Variants in RANBP2 observed in about 807,000 individuals in gnomAD.
RANBP2 encodes the protein RAN binding protein 2, also known as E3 SUMO-protein ligase RanBP2.
Under a neutral mutation model 303.6 loss-of-function variants are expected in RANBP2, and 57 were observed. That is an observed-to-expected ratio of 0.19 (90% CI 0.15 to 0.23). The LOEUF (loss-of-function observed/expected upper bound fraction) is 0.23. Ranked by LOEUF, RANBP2 falls within the 10% of genes least tolerant of loss-of-function variation. RANBP2 has a pLI of 1.00. For missense variants in RANBP2, 3,138 were observed against 3,780.8 expected (o/e 0.83, Z 4.46); for synonymous variants, 1,167 against 1,301.5 (o/e 0.90, Z 2.23).
chr2:109,423,055 A>G, the RANBP2 span, among the ~76,000 whole-genome samples: 2 of 152,172 alleles, frequency 1.3e-5, no homozygotes, highest in Non-Finnish European at 2.9e-5. Context: ...GCCATCAGAG[A>G]AGGAAACTTC....
intron 1 of RANBP2, among the ~76,000 whole-genome samples, chr2:108,724,615 G>C (rs1694542153): frequency 1.3e-5 from 2 of 151,926 alleles, no homozygotes; most frequent in South Asian, 4.2e-4. Context: ...AGCATTTCTT[G>C]TATTATTTCT....
chr2:108,938,087 C>A, the RANBP2 span, among the ~76,000 whole-genome samples: 1 of 152,222 alleles, frequency 6.6e-6, no homozygotes, highest in African/African-American at 2.4e-5. Flanking sequence ...ATGTCCAATT[C>A]TTCAGAACTC....
the RANBP2 span, among the ~76,000 whole-genome samples, chr2:109,093,406 T>TAA: frequency 0.23 from 20,565 of 90,324 alleles, 1,898 homozygotes; most frequent in Middle Eastern, 0.36. Context: ...CGGAGATTTG[T>TAA]AAAAAAAAAA....
At chr2:108,828,852 C>T in the RANBP2 span, among the ~76,000 whole-genome samples, 7 of 152,038 alleles carry the variant, frequency 4.6e-5, no homozygotes, top group Admixed American at 3.9e-4. Flanking sequence ...GTGGCAGGCA[C>T]CTGTAATCCC....
the RANBP2 span, chr2:109,615,131 G>A: frequency 6.5e-7 from 1 of 1,549,696 alleles, no homozygotes; most frequent in South Asian, 1.2e-5. Flanking sequence ...GCAGCTCCCC[G>A]CAGCTGAAGA....
the RANBP2 span, among the ~76,000 whole-genome samples, chr2:108,950,084 A>C: frequency 6.6e-6 from 1 of 152,172 alleles, no homozygotes; most frequent in African/African-American, 2.4e-5. Flanking sequence ...TGACCCCAGG[A>C]GGGGCCTGCT....
the RANBP2 span, among the ~76,000 whole-genome samples, chr2:109,653,222 C>A: frequency 6.6e-6 from 1 of 151,936 alleles, no homozygotes; most frequent in Non-Finnish European, 1.5e-5. Context: ...CAGTGAAACC[C>A]CGTCTCTACT....
chr2:109,537,297 T>C, the RANBP2 span, among the ~76,000 whole-genome samples: 1 of 152,202 alleles, frequency 6.6e-6, no homozygotes, highest in Non-Finnish European at 1.5e-5. Context: ...ATTTTCTGTA[T>C]CTATGGGGAT....
chr2:109,143,832 A>ACG, the RANBP2 span, among the ~76,000 whole-genome samples: 3 of 151,826 alleles, frequency 2.0e-5, no homozygotes, highest in Non-Finnish European at 2.9e-5. Flanking sequence ...ACACACACAC[A>ACG]CGTATATACA....
chr2:109,688,818 A>C, the RANBP2 span, among the ~76,000 whole-genome samples: 1 of 150,336 alleles, frequency 6.7e-6, no homozygotes, highest in East Asian at 2.0e-4. Flanking sequence ...GAATCAATGT[A>C]AAATTGTTTC....
the RANBP2 span, among the ~76,000 whole-genome samples, chr2:109,739,830 T>A: frequency 6.6e-6 from 1 of 151,278 alleles, no homozygotes; most frequent in South Asian, 2.1e-4. Context: ...AGTTTTTCCT[T>A]ATACAGTACA....
At chr2:109,533,705 T>G in the RANBP2 span, among the ~76,000 whole-genome samples, 1 of 152,226 alleles carries the variant, frequency 6.6e-6, no homozygotes, top group African/African-American at 2.4e-5. Context: ...TGAACCCACT[T>G]AACCCATGTC....
At chr2:109,361,386 A>G in the RANBP2 span, among the ~76,000 whole-genome samples, 4 of 152,222 alleles carry the variant, frequency 2.6e-5, no homozygotes, top group African/African-American at 9.6e-5. Flanking sequence ...GAGAATTGGT[A>G]TAATTTCTTC....
the RANBP2 span, among the ~76,000 whole-genome samples, chr2:108,943,860 T>C: frequency 3.9e-5 from 6 of 152,192 alleles, no homozygotes; most frequent in African/African-American, 1.4e-4. Context: ...GAGACTAGAA[T>C]TCCTCTGAGC....
the RANBP2 span, among the ~76,000 whole-genome samples, chr2:109,335,654 C>G: frequency 6.6e-6 from 1 of 152,116 alleles, no homozygotes; most frequent in Admixed American, 6.5e-5. Flanking sequence ...TGTTGCTGTC[C>G]CCCTGGCTGG....
At chr2:109,711,455 C>G in the RANBP2 span, among the ~76,000 whole-genome samples, 2 of 152,166 alleles carry the variant, frequency 1.3e-5, no homozygotes, top group African/African-American at 4.8e-5. Flanking sequence ...AAGAGTCTTA[C>G]AAAGTCAAAT....
chr2:109,698,091 C>T, the RANBP2 span, among the ~76,000 whole-genome samples: 1 of 151,974 alleles, frequency 6.6e-6, no homozygotes, highest in African/African-American at 2.4e-5. Context: ...AACTCCTGAC[C>T]TCAGGTGATC....
At chr2:109,678,353 C>T in the RANBP2 span, among the ~76,000 whole-genome samples, 2 of 152,252 alleles carry the variant, frequency 1.3e-5, no homozygotes, top group African/African-American at 4.8e-5. Context: ...AGTTCACAGC[C>T]TGCCTTCTGC....
chr2:108,959,519 TG>T, the RANBP2 span, among the ~76,000 whole-genome samples: 2 of 152,230 alleles, frequency 1.3e-5, no homozygotes, highest in African/African-American at 4.8e-5. Context: ...GCTTAAAACC[TG>T]TGCCAAGATG....
Sources: allele counts gnomAD v4.1 joint callset (sites outside exome capture counted in the v4.1 genomes callset), GRCh38; gene constraint gnomAD v4.1.1; transcripts MANE v1.5; gene names NCBI Gene and HGNC (gene_info 2026-07-23, HGNC 2026-07-21).